Variants in MRPL13 observed in about 807,000 individuals in gnomAD.
The protein encoded by MRPL13 is mitochondrial ribosomal protein L13, also known as large ribosomal subunit protein uL13m.
Under a neutral mutation model 29.0 loss-of-function variants are expected in MRPL13, and 33 were observed. The ratio of observed to expected loss-of-function variants is 1.14; its 90% CI spans 0.86 to 1.52. MRPL13 has a LOEUF of 1.52. Among genes scored for constraint, MRPL13 ranks in the 40% most tolerant of loss-of-function variants. The pLI is 0.00. For synonymous variants in MRPL13, 77 were observed against 68.4 expected, an observed-to-expected ratio of 1.13 and a Z score of -0.62; for missense variants, 227 against 216.7, an observed-to-expected ratio of 1.05 and a Z score of -0.30.
At chr8:120,401,592 A>G (rs1485596207) in intron 6 of MRPL13, among the ~76,000 whole-genome samples, 1 of 152,110 alleles carries the variant, frequency 6.6e-6, no homozygotes, top group East Asian at 1.9e-4. Flanking sequence ...AAAACCAGCA[A>G]ATGACAAGGA....
intron 2 of MRPL13, among the ~76,000 whole-genome samples, chr8:120,436,939 A>C (rs539947908): frequency 3.9e-5 from 6 of 152,208 alleles, no homozygotes; most frequent in Non-Finnish European, 7.3e-5. Flanking sequence ...GTGCACAGCC[A>C]AGGTGATGAA....
intron 6 of MRPL13, among the ~76,000 whole-genome samples, chr8:120,413,735 C>A (rs1812768349): frequency 6.6e-6 from 1 of 152,138 alleles, no homozygotes; most frequent in South Asian, 2.1e-4. Flanking sequence ...AGACTACCAT[C>A]AGCCCAAACA....
intron 1 of MRPL13, among the ~76,000 whole-genome samples, chr8:120,444,763 G>C (rs927626210): frequency 6.6e-6 from 1 of 152,014 alleles, no homozygotes; most frequent in Admixed American, 6.6e-5. Flanking sequence ...ACAAATTATT[G>C]CAAGGGCCTA....
At chr8:120,442,638 A>C (rs765388107) in intron 2 of MRPL13, among the ~76,000 whole-genome samples, 1 of 152,202 alleles carries the variant, frequency 6.6e-6, no homozygotes, top group Non-Finnish European at 1.5e-5. Flanking sequence ...TGCTGGGGTA[A>C]ATGAAGTCTA....
chr8:120,430,360 G>A (rs1197418042), intron 3 of MRPL13, among the ~76,000 whole-genome samples: 1 of 152,156 alleles, frequency 6.6e-6, no homozygotes, highest in Non-Finnish European at 1.5e-5. Context: ...ATGGGATCAG[G>A]AGTGAATTTT....
intron 4 of MRPL13, among the ~76,000 whole-genome samples, chr8:120,423,254 T>G (rs937773117): frequency 6.7e-5 from 10 of 149,996 alleles, no homozygotes; most frequent in African/African-American, 2.2e-4. Context: ...CAGTGAGACA[T>G]GAAGTATGAA....
chr8:120,397,564 G>T (rs1812539343), intron 6 of MRPL13, among the ~76,000 whole-genome samples: 1 of 152,130 alleles, frequency 6.6e-6, no homozygotes, highest in Non-Finnish European at 1.5e-5. Flanking sequence ...GGACAAGGAG[G>T]AGTCGCCCAC....
chr8:120,425,394 C>T, intron 3 of MRPL13, 28 bp from the exon 4 acceptor site: 2 of 1,525,976 alleles, frequency 1.3e-6, no homozygotes, highest in East Asian at 2.3e-5. Flanking sequence ...GACATTAAAA[C>T]TGGGCATAGG....
chr8:120,397,364 G>A (rs1812536460), intron 6 of MRPL13, among the ~76,000 whole-genome samples: 1 of 152,156 alleles, frequency 6.6e-6, no homozygotes, highest in Non-Finnish European at 1.5e-5. Context: ...GAGCCAAGCG[G>A]TGTTGTTCTG....
chr8:120,404,825 G>A (rs1404835294), intron 6 of MRPL13, among the ~76,000 whole-genome samples: 5 of 152,172 alleles, frequency 3.3e-5, no homozygotes, highest in African/African-American at 4.8e-5. Context: ...GGATCTGAGT[G>A]TAAACAATTT....
intron 1 of MRPL13, among the ~76,000 whole-genome samples, 182 bp from the exon 2 acceptor site, chr8:120,443,490 AG>A (rs1354269854): frequency 6.6e-6 from 1 of 152,110 alleles, no homozygotes; most frequent in Admixed American, 6.5e-5. Context: ...TTTCTGGAAA[AG>A]GGTTGTTTTT....
chr8:120,430,376 C>T (rs1033418398), intron 3 of MRPL13, among the ~76,000 whole-genome samples: 7 of 152,026 alleles, frequency 4.6e-5, no homozygotes, highest in African/African-American at 1.4e-4. Flanking sequence ...ATTTTAATTC[C>T]CTCTTTAAAC....
At position 120,445,115 on chromosome 8, in the gene MRPL13, G is replaced by C. The variant is rs371698307; in HGVS notation, c.-21C>G. On this transcript the variant is annotated 5_prime_UTR_variant, in exon 1 of 7. Coordinates refer to ENST00000306185, the MANE Select transcript of MRPL13 (RefSeq NM_014078.6). ...GACATATTCCTCTACTAGCAGGACC[G>C]TACGTCCTTCTCCTAGTAGCCACGC... 1 of 1,613,910 alleles carries C rather than the reference G, an allele frequency of 6.2e-7. No homozygotes were observed. Among genetic ancestry groups the C allele is most frequent in the Non-Finnish European group, 8.5e-7 (1 of 1,179,914 alleles).
At chr8:120,437,236 T>C (rs1563777506) in intron 2 of MRPL13, among the ~76,000 whole-genome samples, 1 of 152,178 alleles carries the variant, frequency 6.6e-6, no homozygotes, top group Non-Finnish European at 1.5e-5. Context: ...AAATGTTAGC[T>C]AAGCAACTTT....
intron 2 of MRPL13, among the ~76,000 whole-genome samples, chr8:120,436,660 G>A (rs1813058414): frequency 6.6e-6 from 1 of 152,138 alleles, no homozygotes; most frequent in Non-Finnish European, 1.5e-5. Context: ...TAGCATAGTG[G>A]TTTTTAAAGT....
chr8:120,414,392 C>CT (rs1421952484), intron 5 of MRPL13: 1 of 189,616 alleles, frequency 5.3e-6, no homozygotes, highest in Admixed American at 6.2e-5. Flanking sequence ...CATTCTCATG[C>CT]TTTCTCATCT....
chr8:120,442,993 T>C (rs1312318401), intron 2 of MRPL13, among the ~76,000 whole-genome samples, 192 bp downstream of exon 2: 1 of 152,116 alleles, frequency 6.6e-6, no homozygotes, highest in Non-Finnish European at 1.5e-5. Context: ...CCGGGTAAAC[T>C]GATCCATACG....
In MRPL13 at chr8:120,413,097, T is replaced by A. The variant is rs549873552; in HGVS notation, c.515+894A>T. 6.0e-4 allele frequency among the ~76,000 whole-genome samples: 91 copies of A among 152,248 alleles called. 1 individual carries two copies. The highest frequency in any genetic ancestry group is 2.1e-3 in the African/African-American group (86 of 41,548). On this transcript the variant is annotated intron_variant, in intron 6 of 6. Transcript: ENST00000306185. The stretch of plus-strand genomic sequence containing the variant: ...GACACACATATAAATGAGAGTACAG[T>A]AGATAGTGATAAATGCTGTGAAAAA...
intron 4 of MRPL13, among the ~76,000 whole-genome samples, chr8:120,421,850 T>C (rs1245574548): frequency 1.3e-5 from 2 of 151,820 alleles, no homozygotes; most frequent in African/African-American, 4.8e-5. Context: ...GAAACTTTCA[T>C]TTTAACATTT....
Sources: allele counts gnomAD v4.1 joint callset (sites outside exome capture counted in the v4.1 genomes callset), GRCh38; gene constraint gnomAD v4.1.1; transcripts MANE v1.5; gene names NCBI Gene and HGNC (gene_info 2026-07-23, HGNC 2026-07-21).